The following HSPA8 variants were observed in gnomAD, a reference collection of about 807,000 sequenced individuals.
The protein encoded by HSPA8 is heat shock cognate 71 kDa protein.
In HSPA8, 2 loss-of-function variants were observed where a neutral mutation model predicts 52.8. That is an observed-to-expected ratio of 0.04 (90% confidence interval 0.02 to 0.12). HSPA8 has a LOEUF of 0.12. Ranked by LOEUF, HSPA8 falls within the 10% of genes least tolerant of loss-of-function variation. The probability of loss-of-function intolerance (pLI) is 1.00; values close to 1 mark genes in which losing one functional copy is unlikely to be tolerated. For missense variants in HSPA8, 349 were observed against 800.5 expected (o/e 0.44, Z 6.81); for synonymous variants, 436 against 274.0 (o/e 1.59, Z -5.84).
chr11:123,060,304 T>C, intron 3 of HSPA8, 36 bp from the exon 4 acceptor site: 1 of 1,597,988 alleles, frequency 6.3e-7, no homozygotes, highest in Non-Finnish European at 8.6e-7. Flanking sequence ...TTGGTAACTA[T>C]TATACTTACA....
Position 123,059,281 on chromosome 11 carries a change from C to A in HSPA8, c.1121-20G>T. The A allele has an allele frequency of 6.2e-7, 1 of 1,602,034 alleles. No individual in the cohort carries two copies. Among genetic ancestry groups the A allele is most frequent in the African/African-American group, 1.3e-5 (1 of 74,672 alleles). On this transcript the variant is annotated intron_variant, in intron 5 of 8. Transcript: ENST00000534624. ...GGACAGCTAGCAAACAAAAAGTTAA[C>A]GTTAAAAGAAGTTAAAAGAAAACCC...
intron 2 of HSPA8, 115 bp downstream of exon 2, chr11:123,061,004 AC>A: frequency 4.2e-6 from 4 of 959,426 alleles, no homozygotes; most frequent in Admixed American, 2.2e-5. Flanking sequence ...AGACTTGATA[AC>A]AAGTCTCTCA....
chr11:123,058,944 A>C, intron 6 of HSPA8, 114 bp from the exon 7 acceptor site: 1 of 1,397,798 alleles, frequency 7.2e-7, no homozygotes, highest in Non-Finnish European at 1.0e-6. Context: ...TGGCCAACAT[A>C]AGACTTTCTG....
At position 123,058,452 on chromosome 11, in the gene HSPA8, C is replaced by T. The variant is rs778743630; in HGVS notation, c.1555G>A (p.Val519Ile). The change falls in exon 8 of 9, where the codon GTC (valine) becomes ATC (isoleucine). Residue 519 changes from valine to isoleucine, a missense_variant. Coordinates refer to ENST00000534624, the MANE Select transcript of HSPA8 (RefSeq NM_006597.6). ...GCTTTGTACTTCTCAGCTTCCTGGA[C>T]CATACGTTCAATGTCTTCCTTGCTC... ...RLSKEDIERMVQEAEKYKAED... is the reference protein window; with the variant it reads ...RLSKEDIERMIQEAEKYKAED... The T allele has an allele frequency of 6.8e-6, 11 of 1,614,082 alleles. No homozygotes were observed. The highest frequency in any genetic ancestry group is 7.6e-6 in the Non-Finnish European group (9 of 1,180,020).
At chr11:123,061,846 G>A (rs1193298133) in intron 1 of HSPA8, 1 of 162,182 alleles carries the variant, frequency 6.2e-6, no homozygotes, top group Non-Finnish European at 1.4e-5. Context: ...CCTCCCCTGG[G>A]GCCACTGCGG....
Position 123,060,659 on chromosome 11 carries a change from A to G in HSPA8, c.345T>C (p.Tyr115=), listed in dbSNP as rs879251486. 2 of 1,613,736 alleles carry G rather than the reference A, an allele frequency of 1.2e-6. No individual in the cohort carries two copies. The highest frequency in any genetic ancestry group is 1.7e-6 in the Non-Finnish European group (2 of 1,179,782). The stretch of plus-strand genomic sequence containing the variant: ...GAACCATAGAAGACACCTCCTCTGG[A>G]TAGAAGCTTTTGGTCTCTCCCTTGT... ...VEYKGETKSF[Y]PEEVSSMVLT... Residue 115 remains tyrosine (Y), a synonymous_variant, in exon 3 of 9, where the codon TAT becomes TAC. Coordinates refer to ENST00000534624, the MANE Select transcript of HSPA8 (RefSeq NM_006597.6).
rs765230787 is a variant in HSPA8, at chr11:123,058,619, A to G, written c.1522+13T>C. On this transcript the variant is annotated intron_variant, in intron 7 of 8. Transcript: ENST00000534624. ...ATTATCCCTGTCAAGACCAGATGAC[A>G]GTGCCTCCTTACCCTTGTCATTAGT... 4.4e-6 allele frequency: 7 copies of G among 1,608,148 alleles called. No homozygotes were observed. Among genetic ancestry groups the G allele is most frequent in the South Asian group, 2.2e-5 (2 of 90,988 alleles).
chr11:123,058,922 CAAGG>C, intron 6 of HSPA8, 92 bp from the exon 7 acceptor site: 1 of 1,406,602 alleles, frequency 7.1e-7, no homozygotes, highest in African/African-American at 1.4e-5. Flanking sequence ...CTCAAACATC[CAAGG>C]AAGGAACTGG....
Position 123,062,106 on chromosome 11 carries a change from A to T in HSPA8, c.-48T>A, listed in dbSNP as rs1865532158. On this transcript the variant is annotated 5_prime_UTR_variant, in exon 1 of 9. Transcript: ENST00000534624. The stretch of plus-strand genomic sequence containing the variant: ...CTCCAATAACGAAGGAAGCCACAAA[A>T]AACCCAAGAGCTGCAGGCGAGTTCA... 2 of 152,628 alleles carry T rather than the reference A, an allele frequency of 1.3e-5. No individual in the cohort carries two copies. Among genetic ancestry groups the T allele is most frequent in the African/African-American group, 2.4e-5 (1 of 41,370 alleles). The allele number at this position is 152,628 out of a possible 1,614,324, so 9.5% of individuals were successfully genotyped here. A position where few individuals can be genotyped will look rare whatever the true frequency, so the allele number is the denominator to read the frequency against.
In HSPA8 at chr11:123,057,878, C is replaced by T. The variant is rs1241946151; in HGVS notation, c.1797G>A (p.Leu599=). 6.2e-7 allele frequency: 1 copy of T among 1,611,834 alleles called. No individual in the cohort carries two copies. Among genetic ancestry groups the T allele is most frequent in the African/African-American group, 1.3e-5 (1 of 74,794 alleles). The change falls in exon 9 of 9, where the codon CTG becomes CTA. Residue 599 remains leucine, a synonymous_variant. Coordinates refer to ENST00000534624, the MANE Select transcript of HSPA8 (RefSeq NM_006597.6). Reference sequence around the variant, plus strand: ...TGATGATGGGGTTGCAAACTTTCTCCAGCTCTTTCTGTTGATGTTCAAATT... The same window carrying T: ...TGATGATGGGGTTGCAAACTTTCTCTAGCTCTTTCTGTTGATGTTCAAATT... ...KEEFEHQQKE[L]EKVCNPIITK... is the part of the protein sequence containing the mutation.
chr11:123,058,855 C>G, intron 6 of HSPA8, 25 bp from the exon 7 acceptor site: 1 of 1,599,260 alleles, frequency 6.3e-7, no homozygotes, highest in Non-Finnish European at 8.6e-7. Context: ...AAACAAATTA[C>G]TACAATGGAC....
At chr11:123,060,455 G>A (rs1301837883) in intron 3 of HSPA8, 138 bp downstream of exon 3, 3 of 873,088 alleles carry the variant, frequency 3.4e-6, no homozygotes, top group Non-Finnish European at 5.6e-6. Context: ...AGAGAGCCTA[G>A]GGCACTGTTG....
chr11:123,058,505 A>C (rs1300968630), intron 7 of HSPA8, 21 bp from the exon 8 acceptor site: 2 of 1,608,124 alleles, frequency 1.2e-6, no homozygotes, highest in Admixed American at 1.7e-5. Context: ...AATTAACTCT[A>C]AGTAAAAGCC....
rs761062129 is a variant in HSPA8, at chr11:123,060,785, C to A, written c.219G>T (p.Leu73=). The change falls in exon 3 of 9, where the codon CTG becomes CTT. Residue 73 remains leucine, a synonymous_variant. Coordinates refer to ENST00000534624, the MANE Select transcript of HSPA8 (RefSeq NM_006597.6). ...PTNTVFDAKR[L]IGRRFDDAVV... Reference sequence around the variant, plus strand: ...CAGCATCATCAAATCTGCGTCCAATCAGACGTTTGGCATCTGTAAAAGGTG... The same window carrying A: ...CAGCATCATCAAATCTGCGTCCAATAAGACGTTTGGCATCTGTAAAAGGTG... The A allele has an allele frequency of 6.2e-7, 1 of 1,613,240 alleles. No homozygotes were observed. The highest frequency in any genetic ancestry group is 1.1e-5 in the South Asian group (1 of 91,016).
chr11:123,059,847 T>G lies in HSPA8; in HGVS notation c.746A>C (p.His249Pro). The change falls in exon 5 of 9, where the codon CAT becomes CCT. Residue 249 changes from histidine (H) to proline (P), a missense_variant. Coordinates refer to ENST00000534624, the MANE Select transcript of HSPA8 (RefSeq NM_006597.6). ...NHFIAEFKRKHKKDISENKRA... is the reference protein window; with the variant it reads ...NHFIAEFKRKPKKDISENKRA... ...CTTGTTCTCACTGATGTCCTTCTTATGCTTGCGCTTAAACTCAGCAATAAA... is the reference window on the plus strand; with the variant it reads ...CTTGTTCTCACTGATGTCCTTCTTAGGCTTGCGCTTAAACTCAGCAATAAA... 6.2e-7 allele frequency: 1 copy of G among 1,613,562 alleles called. No homozygotes were observed. Among genetic ancestry groups the G allele is most frequent in the Non-Finnish European group, 8.5e-7 (1 of 1,179,880 alleles).
At chr11:123,060,494 C>A in intron 3 of HSPA8, 99 bp downstream of exon 3, 1 of 1,005,340 alleles carries the variant, frequency 9.9e-7, no homozygotes, top group South Asian at 1.4e-5. Context: ...TGAGCTGAGC[C>A]CCATCTGTTC....
chr11:123,057,631 A>G lies in HSPA8; in HGVS notation c.*103T>C, dbSNP rs543558826. 22 of 834,274 alleles carry G rather than the reference A, an allele frequency of 2.6e-5. No individual in the cohort carries two copies. Among genetic ancestry groups the G allele is most frequent in the African/African-American group, 2.6e-4 (15 of 58,214 alleles). The allele number at this position is 834,274 out of a possible 1,614,324, so 51.7% of individuals were successfully genotyped here. A position where few individuals can be genotyped will look rare whatever the true frequency, so the allele number is the denominator to read the frequency against. On this transcript the variant is annotated 3_prime_UTR_variant, in exon 9 of 9. Coordinates refer to ENST00000534624, the MANE Select transcript of HSPA8 (RefSeq NM_006597.6). ...TATTGAGAATGCCCAGTAACTTACT[A>G]TAGCAGCTTAACTTTTTAAAACTGC... is the stretch of plus-strand genomic sequence containing the variant.
intron 2 of HSPA8, 24 bp from the exon 3 acceptor site, chr11:123,060,822 CACTT>C: frequency 9.3e-7 from 1 of 1,077,898 alleles, no homozygotes; most frequent in Non-Finnish European, 1.2e-6. Flanking sequence ...CAAATGAAAA[CACTT>C]TCAATTTCAT....
rs771925377 is a variant in HSPA8 at position 123,060,280 on chromosome 11, G to A, written c.412-12C>T. On this transcript the variant is annotated splice_polypyrimidine_tract_variant and intron_variant, in intron 3 of 8. Coordinates refer to ENST00000534624, the MANE Select transcript of HSPA8 (RefSeq NM_006597.6). ...GCATTGGTAACAGTCTAGGAATAAG[G>A]AAAAGACCACAGATTGGTAACTATT... 1.1e-5 allele frequency: 18 copies of A among 1,611,512 alleles called. No individual in the cohort carries two copies. The highest frequency in any genetic ancestry group is 4.0e-5 in the African/African-American group (3 of 74,830).
Sources: allele counts gnomAD v4.1 joint callset, GRCh38; gene constraint gnomAD v4.1.1; transcripts MANE v1.5; gene names NCBI Gene and HGNC (gene_info 2026-07-23, HGNC 2026-07-21).